The following GALNT2 variants were observed in gnomAD, a reference collection of about 807,000 sequenced individuals.
The protein encoded by GALNT2 is UDP-GalNAc:polypeptide N-acetylgalactosaminyltransferase 2.
GALNT2 carries 31 observed loss-of-function variants against 81.4 expected under a neutral mutation model. The ratio of observed to expected loss-of-function variants is 0.38; its 90% CI spans 0.29 to 0.51. The LOEUF is 0.51. Ranked by LOEUF, GALNT2 falls within the 20% of genes least tolerant of loss-of-function variation. GALNT2 has a pLI of 0.87. For missense variants in GALNT2, 629 were observed against 765.7 expected (o/e 0.82, Z 2.11); for synonymous variants, 303 against 287.4 (o/e 1.05, Z -0.55).
chr1:230,075,742 G>T (rs759819726), intron 1 of GALNT2, among the ~76,000 whole-genome samples: 6 of 152,152 alleles, frequency 3.9e-5, no homozygotes, highest in African/African-American at 1.2e-4. Flanking sequence ...GTGCAGAAAG[G>T]TGCTGTGTGC....
At chr1:230,235,157 G>A (rs1323107487) in intron 3 of GALNT2, among the ~76,000 whole-genome samples, 2 of 147,932 alleles carry the variant, frequency 1.4e-5, no homozygotes, top group Admixed American at 1.4e-4. Flanking sequence ...AAGGCTGCAG[G>A]GAGCTATGAA....
At chr1:230,060,355 G>A (rs1659017592) in intron 1 of GALNT2, among the ~76,000 whole-genome samples, 1 of 151,938 alleles carries the variant, frequency 6.6e-6, no homozygotes, top group South Asian at 2.1e-4. Context: ...CTCAACCCTT[G>A]TTTATATACA....
chr1:230,208,908 T>C (rs1664147041), intron 3 of GALNT2, among the ~76,000 whole-genome samples: 1 of 152,008 alleles, frequency 6.6e-6, no homozygotes, highest in Non-Finnish European at 1.5e-5. Flanking sequence ...CTCCTGGCAT[T>C]TACCACCAGG....
chr1:230,238,909 A>C lies in GALNT2; in HGVS notation c.607+2184A>C, dbSNP rs1038250541. Among the ~76,000 whole-genome samples, 10 of 152,262 alleles carry C rather than the reference A, an allele frequency of 6.6e-5. No individual in the cohort carries two copies. In the East Asian group the frequency reaches 1.9e-3, roughly 29 times the overall value. On this transcript the variant is annotated intron_variant, in intron 6 of 15. Transcript: ENST00000366672. ...TTTTATTTTCTAAAAGAGTTTGTATAATATTTTAATTATTTCTTTTTTAAA... is the reference window on the plus strand; with the variant it reads ...TTTTATTTTCTAAAAGAGTTTGTATCATATTTTAATTATTTCTTTTTTAAA...
intron 14 of GALNT2, among the ~76,000 whole-genome samples, chr1:230,274,171 G>C (rs1162421220): frequency 6.6e-6 from 1 of 152,232 alleles, no homozygotes; most frequent in Non-Finnish European, 1.5e-5. Flanking sequence ...GGCTAAAATA[G>C]TTAATAGTTT....
chr1:230,125,617 A>C (rs1375378188), intron 1 of GALNT2, among the ~76,000 whole-genome samples: 3 of 152,212 alleles, frequency 2.0e-5, no homozygotes, highest in Non-Finnish European at 4.4e-5. Context: ...GTTTCTCATC[A>C]GAGGTCATAG....
intron 3 of GALNT2, among the ~76,000 whole-genome samples, chr1:230,222,047 G>A (rs1572102513): frequency 5.8e-5 from 2 of 34,238 alleles, no homozygotes; most frequent in African/African-American, 5.8e-4. Context: ...TTTTTTTTGA[G>A]ACAGAGTCTT....
chr1:230,061,732 A>G (rs1358855641), intron 1 of GALNT2, among the ~76,000 whole-genome samples: 2 of 152,070 alleles, frequency 1.3e-5, no homozygotes, highest in African/African-American at 4.8e-5. Context: ...CACCCCTTCT[A>G]GGTAACCAAC....
intron 1 of GALNT2, among the ~76,000 whole-genome samples, chr1:230,090,291 T>G (rs1276757615): frequency 6.6e-6 from 1 of 152,198 alleles, no homozygotes; most frequent in East Asian, 1.9e-4. Context: ...GACCTTGACA[T>G]TTGTTGTCAA....
intron 1 of GALNT2, 60 bp downstream of exon 1, chr1:230,067,466 G>A: frequency 1.5e-6 from 1 of 653,212 alleles, no homozygotes; most frequent in Non-Finnish European, 2.1e-6. Flanking sequence ...CTGCGCCCCT[G>A]TCCCCTGCCC....
At chr1:230,266,089 G>A (rs1666029937) in intron 14 of GALNT2, among the ~76,000 whole-genome samples, 1 of 152,204 alleles carries the variant, frequency 6.6e-6, no homozygotes, top group African/African-American at 2.4e-5. Flanking sequence ...AGCTACCCGA[G>A]AGGCTGAGGC....
intron 1 of GALNT2, among the ~76,000 whole-genome samples, chr1:230,143,160 G>T (rs1661802662): frequency 6.6e-6 from 1 of 152,176 alleles, no homozygotes. Context: ...TCCTTCCCTT[G>T]CAGTGGATTC....
At chr1:230,066,590 T>A (rs1246844395), upstream of GALNT2, among the ~76,000 whole-genome samples, 1 of 152,140 alleles carries the variant, frequency 6.6e-6, no homozygotes, top group East Asian at 1.9e-4. Flanking sequence ...GCTGCAAGAT[T>A]AGTGAGAAAA....
intron 1 of GALNT2, among the ~76,000 whole-genome samples, chr1:230,170,172 G>A (rs1662746315): frequency 6.6e-6 from 1 of 152,146 alleles, no homozygotes; most frequent in South Asian, 2.1e-4. Context: ...GGAGCTGTTG[G>A]GCTGGAGCTT....
At chr1:230,208,312 G>A (rs1664127804) in intron 3 of GALNT2, among the ~76,000 whole-genome samples, 1 of 152,112 alleles carries the variant, frequency 6.6e-6, no homozygotes, top group Non-Finnish European at 1.5e-5. Context: ...ATGGACTGGA[G>A]GGGGGTATGG....
intron 3 of GALNT2, among the ~76,000 whole-genome samples, chr1:230,227,352 A>C (rs1664743697): frequency 6.6e-6 from 1 of 151,862 alleles, no homozygotes; most frequent in Non-Finnish European, 1.5e-5. Context: ...CAGAAAAAGA[A>C]AGTATAAGAA....
intron 11 of GALNT2, 133 bp from the exon 12 acceptor site, chr1:230,262,440 T>C (rs900607902): frequency 1.1e-5 from 8 of 720,278 alleles, no homozygotes; most frequent in Non-Finnish European, 1.9e-5. Flanking sequence ...CTCTGCTGTG[T>C]GCCGTGATCC....
chr1:230,195,897 C>T (rs1558134508), intron 2 of GALNT2, among the ~76,000 whole-genome samples: 1 of 152,056 alleles, frequency 6.6e-6, no homozygotes, highest in South Asian at 2.1e-4. Context: ...TGGCATTTGG[C>T]TGGGGACAAT....
intron 8 of GALNT2, among the ~76,000 whole-genome samples, chr1:230,248,640 C>T (rs1274843362): frequency 1.3e-5 from 2 of 152,202 alleles, no homozygotes; most frequent in African/African-American, 4.8e-5. Flanking sequence ...TGGCAACTTC[C>T]GCTGGCTCAT....
Sources: allele counts gnomAD v4.1 joint callset (sites outside exome capture counted in the v4.1 genomes callset), GRCh38; gene constraint gnomAD v4.1.1; transcripts MANE v1.5; gene names NCBI Gene and HGNC (gene_info 2026-07-23, HGNC 2026-07-21).